CYP2C18: variants seen among roughly 807,000 people sequenced by gnomAD.
CYP2C18 encodes the protein cytochrome P450 2C18.
CYP2C18 carries 38 observed loss-of-function variants against 41.3 expected under a neutral mutation model. The observed-to-expected ratio is 0.92, with a 90% CI of 0.71 to 1.21. The LOEUF (loss-of-function observed/expected upper bound fraction) is 1.21. CYP2C18 is among the 50% of genes most tolerant of loss of function. The pLI, the probability that CYP2C18 is intolerant of heterozygous loss-of-function variation, is 0.00. For synonymous variants in CYP2C18, 236 were observed against 210.0 expected, an observed-to-expected ratio of 1.12 and a Z score of -1.07; for missense variants, 635 against 591.4, an observed-to-expected ratio of 1.07 and a Z score of -0.77.
chr10:94,701,684 G>T (rs1418989161), intron 4 of CYP2C18, among the ~76,000 whole-genome samples: 5 of 152,168 alleles, frequency 3.3e-5, no homozygotes, highest in Non-Finnish European at 7.3e-5. Flanking sequence ...GTACACAGTT[G>T]TTCCCAGTTT....
At chr10:94,724,758 AT>A (rs35134373) in intron 7 of CYP2C18, among the ~76,000 whole-genome samples, 7 of 127,748 alleles carry the variant, frequency 5.5e-5, no homozygotes, top group Non-Finnish European at 5.0e-5. Context: ...CTTCTTTAGT[AT>A]TTTTTTTTTG....
intron 3 of CYP2C18, among the ~76,000 whole-genome samples, chr10:94,691,969 A>G (rs1328075736): frequency 6.6e-6 from 1 of 152,224 alleles, no homozygotes; most frequent in African/African-American, 2.4e-5. Flanking sequence ...CTGGCTAGCC[A>G]TATGTAGAAA....
chr10:94,717,427 T>G (rs936665362), intron 5 of CYP2C18, among the ~76,000 whole-genome samples: 1 of 152,176 alleles, frequency 6.6e-6, no homozygotes, highest in Non-Finnish European at 1.5e-5. Context: ...ATTTTATTTC[T>G]CCTTCACTTA....
chr10:94,719,332 G>A (rs900507067), intron 5 of CYP2C18, among the ~76,000 whole-genome samples: 126 of 152,106 alleles, frequency 8.3e-4, no homozygotes, highest in African/African-American at 2.7e-3. Context: ...AACTAGTACT[G>A]TAGCTCTGAA....
At chr10:94,718,336 G>GT (rs893761214) in intron 5 of CYP2C18, among the ~76,000 whole-genome samples, 9 of 152,050 alleles carry the variant, frequency 5.9e-5, no homozygotes, top group Admixed American at 5.9e-4. Context: ...AGTTCTAAGA[G>GT]TTTTTTGGTG....
rs1846921915 is a variant in CYP2C18, at chr10:94,687,939, G to A, written c.331+7G>A. ...AAAGTTAACAAAGGACTTGGTAAATGTGCATGTATCGTGTGTATGTGTACA... is the reference window on the plus strand; with the variant it reads ...AAAGTTAACAAAGGACTTGGTAAATATGCATGTATCGTGTGTATGTGTACA... On this transcript the variant is annotated splice_region_variant and intron_variant, in intron 2 of 8. Coordinates refer to ENST00000285979, the MANE Select transcript of CYP2C18 (RefSeq NM_000772.3). The A allele has an allele frequency of 3.7e-6, 6 of 1,613,174 alleles. No individual in the cohort carries two copies. The highest frequency in any genetic ancestry group is 1.3e-5 in the African/African-American group (1 of 74,996).
Position 94,688,269 on chromosome 10 carries a change from C to G in CYP2C18, c.476C>G (p.Thr159Ser). Residue 159 changes from threonine to serine, a missense_variant, in exon 3 of 9, where the codon ACC (threonine) becomes AGC (serine). Transcript: ENST00000285979. ...ARCLVEELRK[T>S]NASPCDPTFI... ...TGCCTTGTGGAGGAGTTGAGAAAAA[C>G]CAATGGTGGGTGACTTTTTTTTTTC... The G allele has an allele frequency of 6.2e-7, 1 of 1,604,646 alleles. No individual in the cohort carries two copies. Among genetic ancestry groups the G allele is most frequent in the African/African-American group, 1.3e-5 (1 of 74,678 alleles).
At chr10:94,692,229 G>T (rs527737081) in intron 3 of CYP2C18, among the ~76,000 whole-genome samples, 1 of 151,944 alleles carries the variant, frequency 6.6e-6, no homozygotes, top group African/African-American at 2.4e-5. Flanking sequence ...CCATGAGAAT[G>T]AACAAGCAAC....
rs1396944684 is a variant in CYP2C18 at position 94,693,129 on chromosome 10, G to A, written c.482-1788G>A. On this transcript the variant is annotated intron_variant, in intron 3 of 8. Coordinates refer to ENST00000285979, the MANE Select transcript of CYP2C18 (RefSeq NM_000772.3). The stretch of plus-strand genomic sequence containing the variant: ...GTATACATATGTAACAAACCTGCAC[G>A]TTGTGCACATGTACCCTAAAATTTA... Among the ~76,000 whole-genome samples the A allele has an allele frequency of 9.9e-5, 15 of 152,186 alleles. No homozygotes were observed. In the South Asian group the frequency reaches 1.0e-3, roughly 11 times the overall value.
At chr10:94,701,221 A>G (rs1047950502) in intron 4 of CYP2C18, among the ~76,000 whole-genome samples, 6 of 152,238 alleles carry the variant, frequency 3.9e-5, no homozygotes, top group African/African-American at 1.4e-4. Flanking sequence ...AACCACACCA[A>G]ATATCCAACA....
chr10:94,696,937 AT>A (rs2134182276), intron 4 of CYP2C18, among the ~76,000 whole-genome samples: 1 of 152,320 alleles, frequency 6.6e-6, no homozygotes, highest in South Asian at 2.1e-4. Context: ...CAAAAAAAGA[AT>A]AAGAAGAAAT....
intron 5 of CYP2C18, 97 bp downstream of exon 5, chr10:94,707,057 TATGTACTTACC>T: frequency 1.0e-6 from 1 of 952,970 alleles, no homozygotes. Flanking sequence ...ATGAGCACTT[TATGTACTTACC>T]ATGTGTATAG....
chr10:94,733,500 ACT>A, intron 8 of CYP2C18, 62 bp downstream of exon 8: 1 of 1,598,488 alleles, frequency 6.3e-7, no homozygotes, highest in Non-Finnish European at 8.5e-7. Context: ...GGATCAGTTG[ACT>A]CTTACATGAT....
At chr10:94,694,272 G>C (rs570495444) in intron 3 of CYP2C18, among the ~76,000 whole-genome samples, 3 of 152,172 alleles carry the variant, frequency 2.0e-5, no homozygotes, top group Non-Finnish European at 4.4e-5. Context: ...TCTATTTGTA[G>C]TTTAGGTTTG....
At chr10:94,701,304 T>C (rs1193443169) in intron 4 of CYP2C18, among the ~76,000 whole-genome samples, 3 of 152,062 alleles carry the variant, frequency 2.0e-5, no homozygotes, top group African/African-American at 7.2e-5. Context: ...AAATGATGAG[T>C]TCATGTCCTT....
intron 4 of CYP2C18, among the ~76,000 whole-genome samples, chr10:94,695,681 AGGCATTG>A (rs1407128251): frequency 1.3e-5 from 2 of 151,868 alleles, no homozygotes; most frequent in African/African-American, 4.8e-5. Flanking sequence ...AAGCAGGGTG[AGGCATTG>A]CCTCACCCGG....
At chr10:94,726,220 T>G (rs570060550) in intron 7 of CYP2C18, among the ~76,000 whole-genome samples, 1 of 152,190 alleles carries the variant, frequency 6.6e-6, no homozygotes, top group African/African-American at 2.4e-5. Context: ...TTATTATACT[T>G]TAAGTTCTGG....
chr10:94,698,564 T>A (rs61050284), intron 4 of CYP2C18, among the ~76,000 whole-genome samples: 3,977 of 151,972 alleles, frequency 0.026, 148 homozygotes, highest in African/African-American at 0.075. Context: ...CATCACAATT[T>A]AAAAAACTAG....
chr10:94,735,436 C>T lies in CYP2C18; in HGVS notation c.1465C>T (p.Pro489Ser), dbSNP rs761182245. 4.0e-5 allele frequency: 64 copies of T among 1,613,452 alleles called. No homozygotes were observed. Among genetic ancestry groups the T allele is most frequent in the Non-Finnish European group, 5.1e-5 (60 of 1,179,532 alleles). ...VPPLYQLCFI[P>S]V ...ACCCTTGTACCAGCTCTGCTTCATT[C>T]CTGTCTGAAGAAGGGCAGATAGTTT... The change falls in exon 9 of 9, where the codon CCT becomes TCT. Residue 489 changes from proline (P) to serine (S), a missense_variant. Physicochemically the swap from Pro to Ser is moderately conservative, Grantham distance 74 (BLOSUM62 -1). Transcript: ENST00000285979.
Sources: allele counts gnomAD v4.1 joint callset (sites outside exome capture counted in the v4.1 genomes callset), GRCh38; gene constraint gnomAD v4.1.1; transcripts MANE v1.5; gene names NCBI Gene and HGNC (gene_info 2026-07-23, HGNC 2026-07-21).